The following ALK variants were observed in gnomAD, a reference collection of about 807,000 sequenced individuals.
ALK encodes ALK receptor tyrosine kinase, also known as ALK tyrosine kinase receptor.
Under a neutral mutation model 163.1 loss-of-function variants are expected in ALK, and 74 were observed. The observed-to-expected ratio is 0.45, with a 90% CI of 0.38 to 0.55. The LOEUF (loss-of-function observed/expected upper bound fraction) is 0.55. Ranked by LOEUF, ALK falls within the 20% of genes least tolerant of loss-of-function variation. The pLI is 0.00. For synonymous variants in ALK, 960 were observed against 843.2 expected (o/e 1.14, Z -2.40); for missense variants, 2,063 against 2,105.3 (o/e 0.98, Z 0.39).
intron 2 of ALK, among the ~76,000 whole-genome samples, chr2:29,699,779 C>A (rs2148293859): frequency 6.6e-6 from 1 of 152,320 alleles, no homozygotes; most frequent in African/African-American, 2.4e-5. Context: ...ACCTGCCTAT[C>A]ACATATGTGA....
At chr2:29,613,921 G>A (rs908273093) in intron 3 of ALK, among the ~76,000 whole-genome samples, 3 of 152,140 alleles carry the variant, frequency 2.0e-5, no homozygotes, top group Non-Finnish European at 4.4e-5. Flanking sequence ...AAAAGGGGGG[G>A]TTCTACAGCT....
chr2:29,367,202 G>T (rs563979358), intron 5 of ALK, among the ~76,000 whole-genome samples: 8 of 152,282 alleles, frequency 5.3e-5, no homozygotes, highest in African/African-American at 1.7e-4. Flanking sequence ...ACCAGTGTGT[G>T]CCAGGCTCTG....
At chr2:29,581,832 C>T (rs1274600552) in intron 3 of ALK, among the ~76,000 whole-genome samples, 2 of 152,202 alleles carry the variant, frequency 1.3e-5, no homozygotes, top group African/African-American at 4.8e-5. Context: ...TGAGTTTTTG[C>T]TCAGTGATGG....
At chr2:29,315,412 C>A (rs930501614) in intron 8 of ALK, among the ~76,000 whole-genome samples, 4 of 152,158 alleles carry the variant, frequency 2.6e-5, no homozygotes, top group South Asian at 4.1e-4. Context: ...CCGCCTCCAT[C>A]ATTTCTCATC....
intron 4 of ALK, among the ~76,000 whole-genome samples, chr2:29,394,263 G>A (rs369949821): frequency 2.6e-5 from 4 of 151,284 alleles, no homozygotes; most frequent in South Asian, 4.2e-4. Flanking sequence ...TATAGAAGAT[G>A]CATCAGTGGT....
chr2:29,546,919 G>C (rs919119985), intron 3 of ALK, among the ~76,000 whole-genome samples: 6 of 152,162 alleles, frequency 3.9e-5, no homozygotes, highest in African/African-American at 1.4e-4. Flanking sequence ...AGCATGGAAC[G>C]TGGGTGGATG....
intron 4 of ALK, among the ~76,000 whole-genome samples, chr2:29,519,618 C>T (rs1405840524): frequency 1.3e-5 from 2 of 152,166 alleles, no homozygotes; most frequent in Non-Finnish European, 1.5e-5. Context: ...GTAAGTTAGA[C>T]AAGGTGGCAG....
chr2:29,337,401 C>G (rs1484878447), intron 5 of ALK, among the ~76,000 whole-genome samples: 1 of 152,206 alleles, frequency 6.6e-6, no homozygotes, highest in African/African-American at 2.4e-5. Context: ...GGACCATGAA[C>G]AAGTCTCTTT....
chr2:29,627,020 G>A (rs1314800898), intron 3 of ALK, among the ~76,000 whole-genome samples: 1 of 152,110 alleles, frequency 6.6e-6, no homozygotes, highest in African/African-American at 2.4e-5. Context: ...CTTGCTTCTA[G>A]GAGCCTGGTT....
At chr2:29,356,590 G>C (rs1668252611) in intron 5 of ALK, among the ~76,000 whole-genome samples, 1 of 152,208 alleles carries the variant, frequency 6.6e-6, no homozygotes, top group Non-Finnish European at 1.5e-5. Flanking sequence ...TTTAGTAAAA[G>C]CTGCTTAGTC....
chr2:29,367,200 G>A (rs1312416352), intron 5 of ALK, among the ~76,000 whole-genome samples: 1 of 152,184 alleles, frequency 6.6e-6, no homozygotes, highest in Non-Finnish European at 1.5e-5. Context: ...CAACCAGTGT[G>A]TGCCAGGCTC....
chr2:29,907,723 G>A (rs537510905), intron 1 of ALK, among the ~76,000 whole-genome samples: 1 of 151,782 alleles, frequency 6.6e-6, no homozygotes, highest in Admixed American at 6.6e-5. Context: ...AAATTACCAC[G>A]TGCATGTAAA....
At chr2:29,641,236 G>A (rs942215680) in intron 3 of ALK, among the ~76,000 whole-genome samples, 34 of 151,880 alleles carry the variant, frequency 2.2e-4, no homozygotes, top group African/African-American at 8.2e-4. Flanking sequence ...TAGCTGCTGT[G>A]TGAAAAAAAA....
At chr2:29,473,292 C>T (rs749734272) in intron 4 of ALK, among the ~76,000 whole-genome samples, 36 of 152,092 alleles carry the variant, frequency 2.4e-4, no homozygotes, top group Non-Finnish European at 3.1e-4. Flanking sequence ...ATAAATGAGC[C>T]TATACCTCTA....
At chr2:29,326,640 A>G (rs1266750667) in intron 6 of ALK, among the ~76,000 whole-genome samples, 1 of 152,164 alleles carries the variant, frequency 6.6e-6, no homozygotes, top group Admixed American at 6.5e-5. Context: ...CTTCCCTGTA[A>G]CTCTTTGCTG....
intron 1 of ALK, among the ~76,000 whole-genome samples, chr2:29,773,937 C>T (rs1341019434): frequency 6.6e-6 from 1 of 152,122 alleles, no homozygotes; most frequent in Non-Finnish European, 1.5e-5. Context: ...TTGAGAAAAA[C>T]ATAATTTGAT....
intron 19 of ALK, 122 bp downstream of exon 19, chr2:29,225,339 C>G: frequency 2.1e-6 from 2 of 942,090 alleles, no homozygotes; most frequent in South Asian, 2.9e-5. Flanking sequence ...TAATCACCAC[C>G]CCACCCAATT....
At chr2:29,770,672 C>T (rs1406076178) in intron 1 of ALK, among the ~76,000 whole-genome samples, 2 of 151,912 alleles carry the variant, frequency 1.3e-5, no homozygotes, top group African/African-American at 2.4e-5. Context: ...ATTATGATAG[C>T]AAAACAAGAC....
chr2:29,337,158 A>T (rs1370521126), intron 5 of ALK, among the ~76,000 whole-genome samples: 1 of 152,190 alleles, frequency 6.6e-6, no homozygotes, highest in East Asian at 1.9e-4. Flanking sequence ...AGGCCTGAGA[A>T]CTGTGTAAAT....
Sources: gnomAD v4.1 joint callset for allele counts (sites outside exome capture counted in the v4.1 genomes callset) on GRCh38, gnomAD v4.1.1 for gene constraint, MANE v1.5 for transcripts, NCBI Gene and HGNC (gene_info 2026-07-23, HGNC 2026-07-21) for gene names.